Variants in GLRA2 observed in about 807,000 individuals in gnomAD.
The protein encoded by GLRA2 is glycine receptor subunit alpha-2.
In GLRA2, 11 loss-of-function variants were observed where a neutral mutation model predicts 31.6. That is an observed-to-expected ratio of 0.35 (90% confidence interval 0.22 to 0.58). GLRA2 has a LOEUF of 0.58. Among genes scored for constraint, GLRA2 ranks in the 20% least tolerant of loss-of-function variants. GLRA2 has a pLI of 0.84. For synonymous variants in GLRA2, 132 were observed against 134.0 expected, an observed-to-expected ratio of 0.99 and a Z score of 0.10; for missense variants, 212 against 351.8, an observed-to-expected ratio of 0.60 and a Z score of 3.18.
intron 7 of GLRA2, among the ~76,000 whole-genome samples, chrX:14,658,804 T>A (rs1227268531): frequency 1.8e-5 from 2 of 112,111 alleles, no homozygotes; most frequent in East Asian, 5.6e-4. Flanking sequence ...GCAATGGCCA[T>A]TCATATGTTT....
At chrX:14,529,363 T>C (rs1259861324), upstream of GLRA2, 2 of 107,906 alleles carry the variant, frequency 1.9e-5, no homozygotes, top group Non-Finnish European at 3.8e-5. Flanking sequence ...CCCCCTTCAG[T>C]ATCCCCTCGC....
At chrX:14,625,808 G>C (rs1316239074) in intron 7 of GLRA2, among the ~76,000 whole-genome samples, 3 of 111,556 alleles carry the variant, frequency 2.7e-5, no homozygotes, top group South Asian at 3.7e-4. Context: ...ACTGTTATGT[G>C]GGGAAGTGTT....
intron 7 of GLRA2, among the ~76,000 whole-genome samples, chrX:14,650,019 A>G (rs1486612347): frequency 8.9e-6 from 1 of 111,950 alleles, no homozygotes; most frequent in Non-Finnish European, 1.9e-5. Context: ...GCATACATTA[A>G]AGCTTAATAG....
At chrX:14,535,782 C>T (rs757017016) in intron 2 of GLRA2, among the ~76,000 whole-genome samples, 1 of 112,537 alleles carries the variant, frequency 8.9e-6, no homozygotes, top group African/African-American at 3.2e-5. Flanking sequence ...GTTATTCCAT[C>T]ATCCTATCAG....
rs145669837 is a variant in GLRA2, at chrX:14,546,062, A to G, written c.202+13690A>G. Among the ~76,000 whole-genome samples, 459 of 111,289 alleles carry G rather than the reference A, an allele frequency of 4.1e-3. 6 individuals carry two copies. Among genetic ancestry groups the G allele is most frequent in the African/African-American group, 0.013 (413 of 30,706 alleles). On this transcript the variant is annotated intron_variant, in intron 2 of 8. Transcript: ENST00000218075. ...AGGCTACCTGTTCTCTCCAAAATCTAAGGTCACAGTTTGTTAATAAGGTTG... is the reference window on the plus strand; with the variant it reads ...AGGCTACCTGTTCTCTCCAAAATCTGAGGTCACAGTTTGTTAATAAGGTTG...
At chrX:14,647,856 T>A (rs374678021) in intron 7 of GLRA2, among the ~76,000 whole-genome samples, 3 of 111,680 alleles carry the variant, frequency 2.7e-5, no homozygotes, top group Admixed American at 1.9e-4. Context: ...AGGGCATAGA[T>A]GAAGAAAAAT....
intron 7 of GLRA2, among the ~76,000 whole-genome samples, chrX:14,655,736 C>T (rs764047239): frequency 1.2e-4 from 12 of 103,964 alleles, no homozygotes; most frequent in African/African-American, 2.8e-4. Context: ...TGCTTCCCTC[C>T]GCATCCTCCC....
At chrX:14,649,567 TTAGAGA>T (rs1225705125) in intron 7 of GLRA2, among the ~76,000 whole-genome samples, 1 of 111,824 alleles carries the variant, frequency 8.9e-6, no homozygotes, top group Non-Finnish European at 1.9e-5. Context: ...CTAGCAAGAA[TTAGAGA>T]TGGAGAAGAA....
the GLRA2 span, among the ~76,000 whole-genome samples, chrX:14,494,662 A>C: frequency 9.0e-6 from 1 of 111,524 alleles, no homozygotes; most frequent in South Asian, 3.8e-4. Context: ...GAAAACTGGG[A>C]AAGTCCTGGG....
chrX:14,651,495 T>C (rs1025158348), intron 7 of GLRA2, among the ~76,000 whole-genome samples: 1 of 111,701 alleles, frequency 9.0e-6, no homozygotes, highest in African/African-American at 3.3e-5. Context: ...TACTGTATTT[T>C]TACCATGTGT....
At chrX:14,500,925 AT>A in the GLRA2 span, among the ~76,000 whole-genome samples, 1 of 111,333 alleles carries the variant, frequency 9.0e-6, no homozygotes, top group Non-Finnish European at 1.9e-5. Flanking sequence ...TCTTAATATA[AT>A]AAAAATGTGA....
At chrX:14,601,628 T>A (rs1436836926) in intron 4 of GLRA2, among the ~76,000 whole-genome samples, 1 of 112,120 alleles carries the variant, frequency 8.9e-6, no homozygotes, top group Non-Finnish European at 1.9e-5. Flanking sequence ...TACATTGCAC[T>A]GTTTTATATC....
chrX:14,518,033 A>G, the GLRA2 span, among the ~76,000 whole-genome samples: 2 of 111,503 alleles, frequency 1.8e-5, no homozygotes, highest in Non-Finnish European at 3.8e-5. Context: ...AAACAACTTA[A>G]TTGAATAGTT....
intron 8 of GLRA2, among the ~76,000 whole-genome samples, chrX:14,695,654 G>A (rs1225604128): frequency 8.9e-6 from 1 of 112,001 alleles, no homozygotes; most frequent in Non-Finnish European, 1.9e-5. Context: ...CCCAGAGTCT[G>A]TGTGCTTCAC....
At chrX:14,673,841 A>G (rs1569520039) in intron 7 of GLRA2, among the ~76,000 whole-genome samples, 2 of 112,357 alleles carry the variant, frequency 1.8e-5, no homozygotes, top group African/African-American at 6.5e-5. Context: ...ATGAACACTT[A>G]TCTTCACAGT....
At chrX:14,623,514 A>G (rs76301289) in intron 7 of GLRA2, among the ~76,000 whole-genome samples, 31,346 of 110,029 alleles carry the variant, frequency 0.28, 3,642 homozygotes, top group African/African-American at 0.41. Context: ...ATTATTTTGA[A>G]ATACGTCCCA....
chrX:14,562,964 G>T (rs1032142259), intron 2 of GLRA2, among the ~76,000 whole-genome samples: 1 of 111,909 alleles, frequency 8.9e-6, no homozygotes, highest in African/African-American at 3.2e-5. Flanking sequence ...AAAAAATACT[G>T]CAAGTCAAAC....
chrX:14,690,255 TTTTG>T (rs1045550991), intron 7 of GLRA2, among the ~76,000 whole-genome samples: 6 of 112,080 alleles, frequency 5.4e-5, no homozygotes, highest in East Asian at 5.5e-4. Flanking sequence ...TGCCTCAAAG[TTTTG>T]TTTTTCTTGT....
the GLRA2 span, among the ~76,000 whole-genome samples, chrX:14,464,899 A>T: frequency 1.8e-5 from 2 of 112,040 alleles, no homozygotes; most frequent in East Asian, 5.6e-4. Flanking sequence ...TTTGGTTGCT[A>T]TAGCTTTGTA....
Sources: allele counts gnomAD v4.1 joint callset (sites outside exome capture counted in the v4.1 genomes callset), GRCh38; gene constraint gnomAD v4.1.1; transcripts MANE v1.5; gene names NCBI Gene and HGNC (gene_info 2026-07-23, HGNC 2026-07-21).